The following ERGIC1 variants were observed in gnomAD, a reference collection of about 807,000 sequenced individuals.
ERGIC1 encodes the protein endoplasmic reticulum-golgi intermediate compartment 1, also known as endoplasmic reticulum-Golgi intermediate compartment protein 1.
A neutral mutation model predicts 38.3 loss-of-function variants in ERGIC1; 19 were observed. That is an observed-to-expected ratio of 0.50 (90% CI 0.35 to 0.73). The LOEUF (loss-of-function observed/expected upper bound fraction) is 0.73. ERGIC1 is among the 30% of genes least tolerant of loss of function. The pLI is 0.01. For synonymous variants in ERGIC1, 124 were observed against 157.6 expected, an observed-to-expected ratio of 0.79 and a Z score of 1.60; for missense variants, 294 against 389.2, an observed-to-expected ratio of 0.76 and a Z score of 2.06.
intron 3 of ERGIC1, chr5:172,905,548 T>C: frequency 2.3e-6 from 1 of 431,688 alleles, no homozygotes; most frequent in East Asian, 7.2e-5. Context: ...AGTGTGCAGC[T>C]CATTTAGGAC....
At chr5:172,891,547 T>C (rs1762560091) in intron 2 of ERGIC1, among the ~76,000 whole-genome samples, 1 of 152,012 alleles carries the variant, frequency 6.6e-6, no homozygotes. Flanking sequence ...CAAGCAATTC[T>C]TGTGCCTCAG....
At chr5:172,871,910 A>G (rs548705509) in intron 1 of ERGIC1, among the ~76,000 whole-genome samples, 25 of 152,338 alleles carry the variant, frequency 1.6e-4, no homozygotes, top group African/African-American at 5.3e-4. Flanking sequence ...GTGATCACCA[A>G]CTAGCCTCTC....
chr5:172,914,678 G>A, intron 4 of ERGIC1, 36 bp from the exon 5 acceptor site: 1 of 1,613,840 alleles, frequency 6.2e-7, no homozygotes, highest in Non-Finnish European at 8.5e-7. Flanking sequence ...CCGCGTCTCT[G>A]GGTTTGTGAC....
chr5:172,869,854 A>G (rs1309843882), intron 1 of ERGIC1, among the ~76,000 whole-genome samples: 1 of 152,198 alleles, frequency 6.6e-6, no homozygotes, highest in Non-Finnish European at 1.5e-5. Flanking sequence ...ATCTGGACTC[A>G]TCAAACCCAG....
At chr5:172,914,912 TG>T (rs763269445) in intron 5 of ERGIC1, 74 bp downstream of exon 5, 1 of 1,603,568 alleles carries the variant, frequency 6.2e-7, no homozygotes, top group South Asian at 1.1e-5. Context: ...GGAAACTGGT[TG>T]TGGAGGCACT....
chr5:172,865,142 C>T (rs369276686), intron 1 of ERGIC1, among the ~76,000 whole-genome samples: 2 of 140,746 alleles, frequency 1.4e-5, no homozygotes, highest in African/African-American at 5.2e-5. Flanking sequence ...GCACCCTCTA[C>T]TTTCTGGGTT....
At chr5:172,949,660 G>GT (rs1013944326) in intron 9 of ERGIC1, among the ~76,000 whole-genome samples, 4 of 151,778 alleles carry the variant, frequency 2.6e-5, no homozygotes, top group African/African-American at 7.3e-5. Flanking sequence ...CGTGGCGGGG[G>GT]GGGGTATGAT....
intron 9 of ERGIC1, among the ~76,000 whole-genome samples, chr5:172,949,785 G>A (rs913885716): frequency 6.6e-6 from 1 of 152,170 alleles, no homozygotes; most frequent in African/African-American, 2.4e-5. Context: ...CCTTGCCCTG[G>A]CCAGGCACAG....
intron 1 of ERGIC1, among the ~76,000 whole-genome samples, chr5:172,884,177 A>G (rs1483509993): frequency 6.6e-6 from 1 of 150,624 alleles, no homozygotes; most frequent in African/African-American, 2.4e-5. Flanking sequence ...AATGGCTTAT[A>G]ATCTGTGATG....
chr5:172,869,853 C>T (rs1761958404), intron 1 of ERGIC1, among the ~76,000 whole-genome samples: 1 of 152,200 alleles, frequency 6.6e-6, no homozygotes. Flanking sequence ...CATCTGGACT[C>T]ATCAAACCCA....
intron 3 of ERGIC1, among the ~76,000 whole-genome samples, chr5:172,903,034 A>C (rs1581558285): frequency 7.8e-6 from 1 of 128,124 alleles, no homozygotes; most frequent in African/African-American, 3.0e-5. Flanking sequence ...GTCCACCCAC[A>C]CCCCCACCCT....
intron 1 of ERGIC1, among the ~76,000 whole-genome samples, chr5:172,874,864 GC>G (rs1430899550): frequency 2.0e-5 from 3 of 151,098 alleles, no homozygotes; most frequent in Non-Finnish European, 2.9e-5. Context: ...GGTTGGGGCA[GC>G]AGTGAGCCAT....
chr5:172,896,243 T>C (rs1292462536), intron 2 of ERGIC1, among the ~76,000 whole-genome samples: 1 of 152,120 alleles, frequency 6.6e-6, no homozygotes, highest in African/African-American at 2.4e-5. Context: ...CTTGGGAGGC[T>C]GAGGCAGAAG....
chr5:172,878,176 T>G (rs1298084160), intron 1 of ERGIC1, among the ~76,000 whole-genome samples: 1 of 152,108 alleles, frequency 6.6e-6, no homozygotes, highest in African/African-American at 2.4e-5. Context: ...CTGCTGGAGC[T>G]GGGAGGCCAT....
chr5:172,949,989 C>T (rs1433488237), intron 9 of ERGIC1, among the ~76,000 whole-genome samples: 2 of 152,124 alleles, frequency 1.3e-5, no homozygotes, highest in Non-Finnish European at 2.9e-5. Flanking sequence ...AGGAGAATGC[C>T]GTGAACCCGG....
At chr5:172,852,052 T>TG (rs1761422383) in intron 1 of ERGIC1, among the ~76,000 whole-genome samples, 2 of 151,776 alleles carry the variant, frequency 1.3e-5, no homozygotes, top group South Asian at 4.1e-4. Flanking sequence ...ATCAGGCCTC[T>TG]ACCTGTCAAT....
rs1322491440 is a variant in ERGIC1 at position 172,834,537 on chromosome 5, C to T, written c.20+104C>T. On this transcript the variant is annotated intron_variant, in intron 1 of 9. Transcript: ENST00000393784. This position sits in a 1 kb window ranked among gnomAD's most constrained non-coding sequence, Gnocchi z 4.1. ...CGCCCTGCATGCAAAAGCGGCTCCC[C>T]GCCCTGTGCATGCCTCCGCAGGCCC... is the stretch of plus-strand genomic sequence containing the variant. 6 of 1,144,176 alleles carry T rather than the reference C, an allele frequency of 5.2e-6. No individual in the cohort carries two copies. The highest frequency in any genetic ancestry group is 2.7e-4 in the Middle Eastern group (1 of 3,660). The allele number at this position is 1,144,176 out of a possible 1,614,324, so 70.9% of individuals were successfully genotyped here. A position where few individuals can be genotyped will look rare whatever the true frequency, so the allele number is the denominator to read the frequency against.
chr5:172,839,784 G>T (rs1761115999), intron 1 of ERGIC1, among the ~76,000 whole-genome samples: 2 of 152,174 alleles, frequency 1.3e-5, no homozygotes, highest in South Asian at 4.1e-4. Flanking sequence ...TACAAGGGAG[G>T]TGCTGTTGTT....
intron 3 of ERGIC1, chr5:172,897,983 A>C: frequency 2.4e-6 from 1 of 412,676 alleles, no homozygotes; most frequent in Non-Finnish European, 4.4e-6. Flanking sequence ...AGGATTATGC[A>C]GTCACGACCT....
Sources: allele counts gnomAD v4.1 joint callset (sites outside exome capture counted in the v4.1 genomes callset), GRCh38; gene constraint gnomAD v4.1.1; non-coding constraint Gnocchi (gnomAD v3.1); transcripts MANE v1.5; gene names NCBI Gene and HGNC (gene_info 2026-07-23, HGNC 2026-07-21).